MYT1L: variants seen among roughly 807,000 people sequenced by gnomAD.
MYT1L encodes the protein myelin transcription factor 1-like protein.
A neutral mutation model predicts 126.7 loss-of-function variants in MYT1L; 12 were observed. That is an observed-to-expected ratio of 0.09 (90% confidence interval 0.06 to 0.15). The LOEUF is 0.15. MYT1L is among the 10% of genes least tolerant of loss of function. The pLI is 1.00. For synonymous variants in MYT1L, 541 were observed against 604.2 expected (o/e 0.90, Z 1.53); for missense variants, 979 against 1,585.2 (o/e 0.62, Z 6.49).
intron 4 of MYT1L, among the ~76,000 whole-genome samples, chr2:2,008,952 T>C (rs1160776231): frequency 3.3e-5 from 5 of 152,208 alleles, no homozygotes; most frequent in African/African-American, 4.8e-5. Context: ...CCTTTCCCCA[T>C]TGTGTCCTCT....
At chr2:2,262,235 T>G (rs1426293845) in intron 2 of MYT1L, among the ~76,000 whole-genome samples, 9 of 152,220 alleles carry the variant, frequency 5.9e-5, no homozygotes, top group Non-Finnish European at 2.9e-5. Flanking sequence ...GTTTTATCTA[T>G]TTCTTAAGTT....
intron 4 of MYT1L, among the ~76,000 whole-genome samples, chr2:2,053,268 G>A (rs997452523): frequency 3.3e-5 from 5 of 152,198 alleles, no homozygotes; most frequent in African/African-American, 1.2e-4. Flanking sequence ...GGAGGCCTGG[G>A]GAGGTAGTGT....
chr2:2,242,956 A>G (rs2094466571), intron 2 of MYT1L, among the ~76,000 whole-genome samples: 1 of 152,090 alleles, frequency 6.6e-6, no homozygotes, highest in African/African-American at 2.4e-5. Flanking sequence ...TTTAGCAATG[A>G]AGAGGACAGA....
chr2:1,965,931 C>T lies in MYT1L; in HGVS notation c.152+13234G>A, dbSNP rs140471593. 5.5e-3 allele frequency among the ~76,000 whole-genome samples: 834 copies of T among 152,382 alleles called. 12 individuals are homozygous for T. The highest frequency in any genetic ancestry group is 6.8e-3 in the Non-Finnish European group (461 of 68,042). On this transcript the variant is annotated intron_variant, in intron 8 of 24. Coordinates refer to ENST00000647738, the MANE Select transcript of MYT1L (RefSeq NM_001303052.2). Reference sequence around the variant, plus strand: ...GCCAAGCACCCGTGTGAGACAGTTACGTGCCGGGTGGCCCTGTGAGGGCAC... The same window carrying T: ...GCCAAGCACCCGTGTGAGACAGTTATGTGCCGGGTGGCCCTGTGAGGGCAC...
rs932311246 is a variant in MYT1L at position 1,840,670 on chromosome 2, T to C, written c.2858+90A>G. 4.1e-6 allele frequency: 4 copies of C among 964,512 alleles called. No individual in the cohort carries two copies. The African/African-American group carries it at 6.7e-5, about 16-fold the overall frequency. The allele number at this position is 964,512 out of a possible 1,614,324, so 59.7% of individuals were successfully genotyped here. ...ATGGCCACTAAGACCCGCTGTCTCT[T>C]TTTCTTGTTGACATATACTTGCTTT... is the stretch of plus-strand genomic sequence containing the variant. On this transcript the variant is annotated intron_variant, in intron 20 of 24. Coordinates refer to ENST00000647738, the MANE Select transcript of MYT1L (RefSeq NM_001303052.2).
chr2:1,961,747 G>A (rs1427341959), intron 8 of MYT1L, among the ~76,000 whole-genome samples: 1 of 152,222 alleles, frequency 6.6e-6, no homozygotes, highest in Non-Finnish European at 1.5e-5. Context: ...CCTCGGAGAC[G>A]TGGTTCCAAA....
rs191786377 is a variant in MYT1L, at chr2:2,134,400, T to C, written c.-304+38472A>G. Among the ~76,000 whole-genome samples the C allele has an allele frequency of 1.1e-3, 173 of 152,356 alleles. 1 individual carries two copies. Among genetic ancestry groups the C allele is most frequent in the African/African-American group, 3.5e-3 (147 of 41,584 alleles). Reference sequence around the variant, plus strand: ...ACAGATAGAAGCTGGATCATTATTATTAGAAAACAAATGTGACTATGTATG... The same window carrying C: ...ACAGATAGAAGCTGGATCATTATTACTAGAAAACAAATGTGACTATGTATG... On this transcript the variant is annotated intron_variant, in intron 3 of 24. Transcript: ENST00000647738.
intron 8 of MYT1L, among the ~76,000 whole-genome samples, chr2:1,975,349 G>A (rs765737133): frequency 3.3e-5 from 5 of 152,166 alleles, no homozygotes; most frequent in Non-Finnish European, 5.9e-5. Context: ...CTACCATAGC[G>A]TCTGTCCTAC....
chr2:1,829,967 G>T (rs1394866682), intron 21 of MYT1L, among the ~76,000 whole-genome samples: 1 of 152,202 alleles, frequency 6.6e-6, no homozygotes, highest in Non-Finnish European at 1.5e-5. Context: ...AGTCAATGGT[G>T]CAGGAAAACT....
At chr2:2,055,892 GT>G (rs2069474081) in intron 3 of MYT1L, among the ~76,000 whole-genome samples, 1 of 152,182 alleles carries the variant, frequency 6.6e-6, no homozygotes, top group East Asian at 1.9e-4. Context: ...GTCCATCGTT[GT>G]TTTGGGAAAA....
chr2:2,250,988 T>G (rs531820373), intron 2 of MYT1L, among the ~76,000 whole-genome samples: 4 of 152,194 alleles, frequency 2.6e-5, no homozygotes, highest in Non-Finnish European at 5.9e-5. Context: ...TGATCAGTTC[T>G]GCAAACAAAA....
chr2:2,073,563 T>C (rs548374010), intron 3 of MYT1L, among the ~76,000 whole-genome samples: 9 of 152,106 alleles, frequency 5.9e-5, no homozygotes, highest in African/African-American at 1.4e-4. Flanking sequence ...TGGGTTCCCA[T>C]TGGCTGCAGA....
At chr2:2,291,220 T>C (rs193071851) in intron 1 of MYT1L, among the ~76,000 whole-genome samples, 1 of 152,338 alleles carries the variant, frequency 6.6e-6, no homozygotes, top group Non-Finnish European at 1.5e-5. Context: ...GTTGTGATTC[T>C]GGGTTTTAGC....
At chr2:2,122,872 T>TGTGTGTGTGAGAGAGAGAGA (rs553951630) in intron 3 of MYT1L, among the ~76,000 whole-genome samples, 9 of 132,992 alleles carry the variant, frequency 6.8e-5, no homozygotes, top group African/African-American at 2.7e-4. Context: ...TGTGTGTGTG[T>TGTGTGTGTGAGAGAGAGAGA]GAGAGAGAGA....
intron 9 of MYT1L, 150 bp from the exon 10 acceptor site, chr2:1,923,413 T>C (rs2053828590): frequency 1.5e-6 from 1 of 676,330 alleles, no homozygotes; most frequent in East Asian, 2.7e-5. Flanking sequence ...TGCAGCTGGG[T>C]TGAAAAAGTT....
intron 3 of MYT1L, among the ~76,000 whole-genome samples, chr2:2,056,528 T>C (rs1382215926): frequency 6.6e-6 from 1 of 152,182 alleles, no homozygotes; most frequent in African/African-American, 2.4e-5. Context: ...CCAACTACAG[T>C]GTGCTTTTAA....
At chr2:2,015,900 T>C (rs1033017696) in intron 4 of MYT1L, among the ~76,000 whole-genome samples, 2 of 152,168 alleles carry the variant, frequency 1.3e-5, no homozygotes. Flanking sequence ...CTGGGGTCCC[T>C]CCAGGAATAT....
intron 2 of MYT1L, among the ~76,000 whole-genome samples, chr2:2,281,370 T>A (rs1269364967): frequency 2.6e-5 from 4 of 152,376 alleles, no homozygotes; most frequent in African/African-American, 9.6e-5. Flanking sequence ...ACACGTGGCA[T>A]GACTTTTCAT....
intron 2 of MYT1L, among the ~76,000 whole-genome samples, chr2:2,231,772 A>ATG: frequency 6.6e-6 from 1 of 152,136 alleles, no homozygotes; most frequent in African/African-American, 2.4e-5. Context: ...TTATATATAT[A>ATG]AAAAAAGCAT....
Sources: allele counts gnomAD v4.1 joint callset (sites outside exome capture counted in the v4.1 genomes callset), GRCh38; gene constraint gnomAD v4.1.1; transcripts MANE v1.5; gene names NCBI Gene and HGNC (gene_info 2026-07-23, HGNC 2026-07-21).